CD96: variants seen among roughly 807,000 people sequenced by gnomAD.
CD96 encodes CD96 molecule.
A neutral mutation model predicts 71.3 loss-of-function variants in CD96; 70 were observed. The observed-to-expected ratio is 0.98, with a 90% confidence interval of 0.81 to 1.20. CD96 has a LOEUF of 1.20. CD96 is among the 50% of genes most tolerant of loss of function. The probability of loss-of-function intolerance (pLI) is 0.00; values close to 1 mark genes in which losing one functional copy is unlikely to be tolerated. For synonymous variants in CD96, 248 were observed against 233.0 expected (o/e 1.06, Z -0.59); for missense variants, 742 against 677.5 (o/e 1.10, Z -1.06).
chr3:111,569,888 C>T (rs1391040578), intron 3 of CD96, among the ~76,000 whole-genome samples: 1 of 152,218 alleles, frequency 6.6e-6, no homozygotes, highest in East Asian at 1.9e-4. Context: ...CGAAGGGGGA[C>T]GTTTAGGTCC....
intron 14 of CD96, among the ~76,000 whole-genome samples, chr3:111,660,623 A>G (rs1030538673): frequency 2.6e-5 from 4 of 152,266 alleles, no homozygotes; most frequent in African/African-American, 9.6e-5. Context: ...AAATTATACT[A>G]TAAAGCTACA....
At chr3:111,615,031 G>A (rs189392675) in intron 8 of CD96, among the ~76,000 whole-genome samples, 27 of 152,160 alleles carry the variant, frequency 1.8e-4, no homozygotes, top group African/African-American at 4.8e-4. Context: ...ACACTGCCTC[G>A]CATGTCCTGC....
intron 8 of CD96, among the ~76,000 whole-genome samples, chr3:111,607,891 C>T (rs957928474): frequency 2.0e-5 from 3 of 152,150 alleles, no homozygotes; most frequent in African/African-American, 7.2e-5. Flanking sequence ...TTAATCATGG[C>T]ATTTTTCATT....
chr3:111,562,151 G>A lies in CD96; in HGVS notation c.419-5372G>A, dbSNP rs532943260. On this transcript the variant is annotated intron_variant, in intron 2 of 13. Coordinates refer to ENST00000352690, the MANE Select transcript of CD96 (RefSeq NM_005816.5). ...TGAACCCAGTACCTCAGATGGAAATGCAGAAATCACCGGTCTTCTGCGTCG... is the reference window on the plus strand; with the variant it reads ...TGAACCCAGTACCTCAGATGGAAATACAGAAATCACCGGTCTTCTGCGTCG... Among the ~76,000 whole-genome samples the A allele has an allele frequency of 2.0e-5, 3 of 152,344 alleles. No individual in the cohort carries two copies. In the South Asian group the frequency reaches 6.2e-4, roughly 32 times the overall value.
At chr3:111,559,218 T>A (rs1468263841) in intron 2 of CD96, among the ~76,000 whole-genome samples, 1 of 146,828 alleles carries the variant, frequency 6.8e-6, no homozygotes, top group African/African-American at 2.5e-5. Context: ...TCAGTTCTGC[T>A]CTGATTTTAG....
intron 5 of CD96, among the ~76,000 whole-genome samples, chr3:111,596,057 G>A (rs1937243424): frequency 2.6e-5 from 4 of 152,098 alleles, no homozygotes; most frequent in Admixed American, 2.6e-4. Flanking sequence ...AGCTACTTGG[G>A]AGGCTGAAGC....
Position 111,644,530 on chromosome 3 carries a change from C to A in CD96, c.1478-3013C>A, listed in dbSNP as rs112341999. On this transcript the variant is annotated intron_variant, in intron 12 of 13. Transcript: ENST00000352690. ...TGCAATAAAAACAAAGATAATTAAA[C>A]TAAAGAGCTTTTCCACAGCAAAAGG... Among the ~76,000 whole-genome samples, 139 of 152,118 alleles carry A rather than the reference C, an allele frequency of 9.1e-4. 3 individuals carry two copies. Among genetic ancestry groups the A allele is most frequent in the African/African-American group, 3.3e-3 (136 of 41,512 alleles).
intron 6 of CD96, among the ~76,000 whole-genome samples, chr3:111,599,433 T>A (rs961817071): frequency 1.3e-5 from 2 of 152,100 alleles, no homozygotes; most frequent in Non-Finnish European, 2.9e-5. Context: ...TTAAAAGTTA[T>A]TATAGGCCAG....
intron 13 of CD96, among the ~76,000 whole-genome samples, chr3:111,648,139 A>C (rs1465389755): frequency 6.6e-6 from 1 of 152,100 alleles, no homozygotes; most frequent in Non-Finnish European, 1.5e-5. Flanking sequence ...TTTTTTCCCA[A>C]GCAGAAAAGA....
intron 4 of CD96, chr3:111,579,465 T>C (rs941529869): frequency 5.2e-5 from 31 of 598,052 alleles, no homozygotes; most frequent in Non-Finnish European, 6.8e-5. Context: ...AATAATTTTC[T>C]GTATTGGTCA....
chr3:111,647,453 A>T (rs1223386649), intron 12 of CD96, 90 bp from the exon 13 acceptor site: 9 of 1,186,310 alleles, frequency 7.6e-6, no homozygotes, highest in Non-Finnish European at 1.1e-5. Flanking sequence ...GTTGAAGAAA[A>T]TATGTTTCAC....
Position 111,545,233 on chromosome 3 carries a change from A to G in CD96, c.249A>G (p.Arg83=). 6.2e-7 allele frequency: 1 copy of G among 1,614,160 alleles called. No homozygotes were observed. The highest frequency in any genetic ancestry group is 8.5e-7 in the Non-Finnish European group (1 of 1,180,026). Residue 83 remains arginine (R), a synonymous_variant, in exon 2 of 14, where the codon AGA becomes AGG. Coordinates refer to ENST00000352690, the MANE Select transcript of CD96 (RefSeq NM_005816.5). ...ACGGCTTCTACTGTGCCTATGGGAG[A>G]CCCTGTGAGTCACTTGTGACTTTCA... The part of the protein sequence containing the change: ...PQYGFYCAYG[R]PCESLVTFTE...
chr3:111,611,059 C>T (rs564322463), intron 8 of CD96, among the ~76,000 whole-genome samples: 7 of 152,260 alleles, frequency 4.6e-5, no homozygotes, highest in Non-Finnish European at 7.4e-5. Context: ...TGTTTTACTG[C>T]CCATCAGTCC....
chr3:111,564,595 C>G (rs1935616993), intron 2 of CD96, among the ~76,000 whole-genome samples: 1 of 152,118 alleles, frequency 6.6e-6, no homozygotes, highest in Non-Finnish European at 1.5e-5. Flanking sequence ...TTTCTTTTAG[C>G]TCATTTTGAA....
chr3:111,550,387 G>A (rs375234592), intron 2 of CD96, among the ~76,000 whole-genome samples: 2 of 151,984 alleles, frequency 1.3e-5, no homozygotes, highest in African/African-American at 2.4e-5. Context: ...GTTCAAATGC[G>A]GGATTCTGTT....
chr3:111,550,051 G>T (rs1934616005), intron 2 of CD96, among the ~76,000 whole-genome samples: 1 of 152,100 alleles, frequency 6.6e-6, no homozygotes, highest in African/African-American at 2.4e-5. Context: ...GATGGAGAAA[G>T]GTGAGTCTTC....
intron 8 of CD96, among the ~76,000 whole-genome samples, chr3:111,609,470 G>A (rs1005459117): frequency 1.3e-5 from 2 of 152,054 alleles, no homozygotes; most frequent in Admixed American, 1.3e-4. Context: ...TGTCCTCATG[G>A]CATTTATATT....
intron 13 of CD96, 44 bp from the exon 14 acceptor site, chr3:111,649,654 C>A: frequency 8.9e-7 from 1 of 1,118,980 alleles, no homozygotes; most frequent in Non-Finnish European, 1.4e-6. Flanking sequence ...GTGCATAAGA[C>A]TCCCTCAATT....
At chr3:111,627,562 C>T (rs1367683588) in intron 10 of CD96, among the ~76,000 whole-genome samples, 1 of 152,246 alleles carries the variant, frequency 6.6e-6, no homozygotes, top group African/African-American at 2.4e-5. Flanking sequence ...TTGGGCATCT[C>T]ATCCAGTTCA....
Sources: gnomAD v4.1 joint callset for allele counts (sites outside exome capture counted in the v4.1 genomes callset) on GRCh38, gnomAD v4.1.1 for gene constraint, MANE v1.5 for transcripts, NCBI Gene and HGNC (gene_info 2026-07-23, HGNC 2026-07-21) for gene names.